ROBO1: variants seen among roughly 807,000 people sequenced by gnomAD.
ROBO1 encodes the protein roundabout guidance receptor 1, also known as roundabout homolog 1.
A neutral mutation model predicts 195.9 loss-of-function variants in ROBO1; 149 were observed. That is an observed-to-expected ratio of 0.76 (90% CI 0.67 to 0.87). ROBO1 has a LOEUF of 0.87. Among genes scored for constraint, ROBO1 ranks in the 40% least tolerant of loss-of-function variants. ROBO1 has a pLI of 0.00. For missense variants in ROBO1, 1,933 were observed against 2,068.3 expected (o/e 0.93, Z 1.27); for synonymous variants, 816 against 733.2 (o/e 1.11, Z -1.82).
chr3:78,938,464 T>G, intron 4 of ROBO1, 137 bp downstream of exon 4: 1 of 677,470 alleles, frequency 1.5e-6, no homozygotes. Context: ...AAATAGTAGA[T>G]TGTATTCACA....
chr3:79,019,451 A>G lies in ROBO1; in HGVS notation c.173-80524T>C, dbSNP rs2078050122. 4.1e-6 allele frequency: 4 copies of G among 986,168 alleles called. No homozygotes were observed. The African/African-American group carries it at 5.2e-5, about 13-fold the overall frequency. The allele number at this position is 986,168 out of a possible 1,614,324, so 61.1% of individuals were successfully genotyped here. On this transcript the variant is annotated intron_variant, in intron 3 of 30. Transcript: ENST00000464233. ...TCTGCTCTCACGCTGCCTCCTCTCC[A>G]GCTCAATTGCTTGTGGGTTTCCCCC...
At chr3:79,023,578 A>G (rs1469138947) in intron 3 of ROBO1, among the ~76,000 whole-genome samples, 1 of 149,336 alleles carries the variant, frequency 6.7e-6, no homozygotes, top group Non-Finnish European at 1.5e-5. Flanking sequence ...ACAGGTAATT[A>G]TGTGTTCCAA....
At chr3:79,218,417 C>A (rs577015057) in intron 2 of ROBO1, among the ~76,000 whole-genome samples, 82 of 151,974 alleles carry the variant, frequency 5.4e-4, no homozygotes, top group Admixed American at 2.1e-3. Context: ...CCTGCCTGGA[C>A]CCTGTAGGCA....
At chr3:79,763,594 G>A (rs532607216) in intron 1 of ROBO1, among the ~76,000 whole-genome samples, 1 of 152,234 alleles carries the variant, frequency 6.6e-6, no homozygotes. Context: ...AGAACAACTG[G>A]CTGAAACTGA....
intron 2 of ROBO1, among the ~76,000 whole-genome samples, chr3:79,366,575 A>G (rs1185940265): frequency 1.3e-5 from 2 of 152,048 alleles, no homozygotes; most frequent in Admixed American, 6.6e-5. Context: ...CTCCTTACTC[A>G]TCGCCTCTCT....
chr3:78,936,654 T>G (rs544153780), intron 4 of ROBO1, among the ~76,000 whole-genome samples: 26 of 152,150 alleles, frequency 1.7e-4, no homozygotes, highest in African/African-American at 6.3e-4. Flanking sequence ...TAGACATATT[T>G]GTAAGTATAT....
At position 79,108,600 on chromosome 3, in the gene ROBO1, A is replaced by G. The variant is rs140219386; in HGVS notation, c.172+16856T>C. 2.3e-3 allele frequency among the ~76,000 whole-genome samples: 348 copies of G among 151,952 alleles called. 4 individuals are homozygous for G. The highest frequency in any genetic ancestry group is 8.0e-3 in the African/African-American group (333 of 41,550). On this transcript the variant is annotated intron_variant, in intron 3 of 30. Transcript: ENST00000464233. ...ACTGTTAGTAGAAATTTAAGATAGA[A>G]ACAAATACAAGAGCAATAGGTTAAA...
intron 1 of ROBO1, among the ~76,000 whole-genome samples, chr3:79,724,666 A>G (rs1702841348): frequency 6.6e-6 from 1 of 152,224 alleles, no homozygotes; most frequent in African/African-American, 2.4e-5. Context: ...ACTATGTGTT[A>G]GCTTAAAAGT....
chr3:79,702,080 C>A (rs1286894158), intron 1 of ROBO1, among the ~76,000 whole-genome samples: 1 of 150,696 alleles, frequency 6.6e-6, no homozygotes. Flanking sequence ...ACAAATAAAA[C>A]TAAATATCAT....
At chr3:79,122,146 T>C (rs1190484712) in intron 3 of ROBO1, among the ~76,000 whole-genome samples, 4 of 152,058 alleles carry the variant, frequency 2.6e-5, no homozygotes, top group Non-Finnish European at 5.9e-5. Context: ...CTTTTGGATG[T>C]ATGTTTGACC....
intron 2 of ROBO1, among the ~76,000 whole-genome samples, chr3:79,250,523 T>C (rs984419383): frequency 3.3e-5 from 5 of 152,142 alleles, no homozygotes; most frequent in Non-Finnish European, 7.3e-5. Context: ...AGTTTCAAGC[T>C]ATGTTTTCTG....
intron 2 of ROBO1, among the ~76,000 whole-genome samples, chr3:79,187,535 A>C (rs2081462577): frequency 6.6e-6 from 1 of 152,022 alleles, no homozygotes; most frequent in African/African-American, 2.4e-5. Context: ...ATTTTGTCCA[A>C]CACTGAATAA....
At chr3:78,943,152 C>A in intron 3 of ROBO1, among the ~76,000 whole-genome samples, 1 of 152,018 alleles carries the variant, frequency 6.6e-6, no homozygotes, top group East Asian at 1.9e-4. Flanking sequence ...GGAGGCGGAG[C>A]TTACAGTGAG....
chr3:79,517,663 T>C (rs1941008719), intron 2 of ROBO1, among the ~76,000 whole-genome samples: 1 of 152,302 alleles, frequency 6.6e-6, no homozygotes, highest in Middle Eastern at 3.4e-3. Flanking sequence ...ATAAGTAACA[T>C]ATAAAGAGAG....
In ROBO1 at chr3:79,477,551, C is replaced by T. The variant is rs375396421; in HGVS notation, c.88+112273G>A. On this transcript the variant is annotated intron_variant, in intron 2 of 30. Coordinates refer to ENST00000464233, the MANE Select transcript of ROBO1 (RefSeq NM_002941.4). ...AAACATTTTCCCTGAAGAAACTAAA[C>T]AAAAAACAAAAAACAAAAACAACAA... 4.0e-5 allele frequency among the ~76,000 whole-genome samples: 6 copies of T among 151,594 alleles called. No individual in the cohort carries two copies. The East Asian group carries it at 1.2e-3, about 29-fold the overall frequency.
At chr3:79,394,934 G>T (rs545587878) in intron 2 of ROBO1, among the ~76,000 whole-genome samples, 2 of 152,212 alleles carry the variant, frequency 1.3e-5, no homozygotes, top group East Asian at 3.9e-4. Flanking sequence ...TGGCTTTATG[G>T]AGGCACAAAA....
At chr3:79,217,289 A>G (rs995159428) in intron 2 of ROBO1, among the ~76,000 whole-genome samples, 1 of 152,058 alleles carries the variant, frequency 6.6e-6, no homozygotes, top group Non-Finnish European at 1.5e-5. Flanking sequence ...CATTTTTTAA[A>G]ACTTCCAATT....
chr3:79,544,949 A>C (rs1288691524), intron 2 of ROBO1, among the ~76,000 whole-genome samples: 1 of 152,186 alleles, frequency 6.6e-6, no homozygotes, highest in Non-Finnish European at 1.5e-5. Flanking sequence ...AACACAAAGG[A>C]AACTCAAGGA....
rs370159196 is a variant in ROBO1 at position 78,710,298 on chromosome 3, C to T, written c.1045+4099G>A. Among the ~76,000 whole-genome samples, 428 of 152,200 alleles carry T rather than the reference C, an allele frequency of 2.8e-3. 2 individuals are homozygous for T. The South Asian group carries it at 0.037, about 13-fold the overall frequency. On this transcript the variant is annotated intron_variant, in intron 8 of 30. Transcript: ENST00000464233. ...CTCCTGGCCACAAGCATTCCTCCTG[C>T]CTCAACCTTCCAATAAAGGTTTTAA...
Sources: gnomAD v4.1 joint callset for allele counts (sites outside exome capture counted in the v4.1 genomes callset) on GRCh38, gnomAD v4.1.1 for gene constraint, MANE v1.5 for transcripts, NCBI Gene and HGNC (gene_info 2026-07-23, HGNC 2026-07-21) for gene names.